Variants in SEMA4A observed in about 807,000 individuals in gnomAD.
The protein encoded by SEMA4A is semaphorin 4A, also known as semaphorin-4A.
Under a neutral mutation model 72.5 loss-of-function variants are expected in SEMA4A, and 52 were observed. The ratio of observed to expected loss-of-function variants is 0.72; its 90% CI spans 0.57 to 0.90. The LOEUF is 0.90. Ranked by LOEUF, SEMA4A falls within the 40% of genes least tolerant of loss-of-function variation. The pLI, the probability that SEMA4A is intolerant of heterozygous loss-of-function variation, is 0.00. For missense variants in SEMA4A, 926 were observed against 959.7 expected (o/e 0.96, Z 0.46); for synonymous variants, 369 against 393.1 (o/e 0.94, Z 0.73).
intron 2 of SEMA4A, 156 bp from the exon 3 acceptor site, chr1:156,156,258 T>A: frequency 1.4e-6 from 1 of 711,262 alleles, no homozygotes; most frequent in East Asian, 2.7e-5. Flanking sequence ...TGGGGTGGGG[T>A]GAAGGGAAGA....
chr1:156,172,096 GTTTA>G (rs71591932), intron 10 of SEMA4A, among the ~76,000 whole-genome samples: 1,239 of 71,756 alleles, frequency 0.017, 18 homozygotes, highest in African/African-American at 0.055. Flanking sequence ...TTGTTTGTTT[GTTTA>G]TTTATTTATT....
upstream of SEMA4A, among the ~76,000 whole-genome samples, chr1:156,149,022 G>A (rs1402700353): frequency 1.3e-5 from 2 of 151,882 alleles, no homozygotes; most frequent in African/African-American, 4.8e-5. Context: ...GGCTGGTCTC[G>A]AACTCCTGAC....
intron 7 of SEMA4A, 130 bp from the exon 8 acceptor site, chr1:156,160,775 C>G: frequency 7.2e-7 from 1 of 1,390,936 alleles, no homozygotes; most frequent in South Asian, 1.2e-5. Flanking sequence ...ATCGCTACCC[C>G]TCGACAAGCT....
intron 10 of SEMA4A, among the ~76,000 whole-genome samples, chr1:156,169,515 G>C (rs1285528272): frequency 1.7e-4 from 25 of 148,198 alleles, no homozygotes; most frequent in East Asian, 4.0e-4. Flanking sequence ...CGCCTCCCAG[G>C]TTCATGCCAT....
intron 10 of SEMA4A, among the ~76,000 whole-genome samples, chr1:156,163,825 C>G (rs1653909986): frequency 6.7e-6 from 1 of 150,104 alleles, no homozygotes; most frequent in Admixed American, 6.7e-5. Flanking sequence ...TCACTTGAGG[C>G]CAGGAGTTTG....
At position 156,160,857 on chromosome 1, in the gene SEMA4A, G is replaced by C. The variant is rs780529222; in HGVS notation, c.686-48G>C. 6.2e-6 allele frequency: 10 copies of C among 1,612,326 alleles called. No homozygotes were observed. The Admixed American group carries it at 1.7e-4, about 27-fold the overall frequency. On this transcript the variant is annotated intron_variant, in intron 7 of 14. Transcript: ENST00000368285. ...AACGGTTTTCACTCAGGCAAACCCA[G>C]GGCATGCAGGGGCTCAGTCCCTAAG...
chr1:156,154,512 T>A, intron 1 of SEMA4A, 38 bp from the exon 2 acceptor site: 1 of 1,557,850 alleles, frequency 6.4e-7, no homozygotes, highest in Non-Finnish European at 8.7e-7. Flanking sequence ...TGGTAAGAAC[T>A]GCTCACCCAG....
rs1315644823 is a variant in SEMA4A at position 156,175,149 on chromosome 1, T to C, written c.1498T>C (p.Tyr500His). The change falls in exon 13 of 15, where the codon TAT (tyrosine) becomes CAT (histidine). Residue 500 changes from tyrosine (Y) to histidine (H), a missense_variant. Transcript: ENST00000368285. ...GGTGCCCCGAGCCAACTGTAGTGTCTATGAGAGCTGTGTGGACTGTGTCCT... is the reference window on the plus strand; with the variant it reads ...GGTGCCCCGAGCCAACTGTAGTGTCCATGAGAGCTGTGTGGACTGTGTCCT... ...WRVPRANCSV[Y>H]ESCVDCVLAR... 1.9e-6 allele frequency: 3 copies of C among 1,614,178 alleles called. No homozygotes were observed. Among genetic ancestry groups the C allele is most frequent in the Non-Finnish European group, 2.5e-6 (3 of 1,180,020 alleles).
rs1655407406 is a variant in SEMA4A, at chr1:156,176,942, C to T, written c.2231C>T (p.Thr744Ile). 1 of 1,613,970 alleles carries T rather than the reference C, an allele frequency of 6.2e-7. No homozygotes were observed. The highest frequency in any genetic ancestry group is 1.3e-5 in the African/African-American group (1 of 75,078). ...QHLQSPKECR[T>I]SASDVDADNN... ...CTCCAGTCTCCCAAGGAATGCAGGA[C>T]CTCTGCCAGTGATGTGGACGCTGAC... The change falls in exon 15 of 15, where the codon ACC (threonine) becomes ATC (isoleucine). Residue 744 changes from threonine (T) to isoleucine (I), a missense_variant. By Grantham distance (89) the Thr-to-Ile change is moderately conservative. Coordinates refer to ENST00000368285, the MANE Select transcript of SEMA4A (RefSeq NM_022367.4).
Position 156,158,392 on chromosome 1 carries a change from A to AGAATCC in SEMA4A, c.369_370insAATCCG (p.Gln123_Cys124insAsnPro). ...TAAATTCTCTGTCTCCCTCAGACAC[A>AGAATCC]GTGTTTCAACTTCATCCGTGTCCTG... On this transcript the variant is annotated inframe_insertion, in exon 5 of 15. Transcript: ENST00000368285. 1 of 1,612,742 alleles carries AGAATCC rather than the reference A, an allele frequency of 6.2e-7. No individual in the cohort carries two copies.
chr1:156,153,047 G>A (rs967548095), upstream of SEMA4A, among the ~76,000 whole-genome samples: 1 of 152,192 alleles, frequency 6.6e-6, no homozygotes, highest in African/African-American at 2.4e-5. Flanking sequence ...GATGGGAAAT[G>A]TTCTGGGCTT....
Position 156,154,538 on chromosome 1 carries a change from C to A in SEMA4A, c.-29-12C>A. ...GCTCACCCAGAAAGTGCCCGGGTGC[C>A]TGTTTCCCCAGAGCTCCCTGGTGAC... On this transcript the variant is annotated splice_polypyrimidine_tract_variant and intron_variant, in intron 1 of 14. Coordinates refer to ENST00000368285, the MANE Select transcript of SEMA4A (RefSeq NM_022367.4). 1 of 1,596,856 alleles carries A rather than the reference C, an allele frequency of 6.3e-7. No homozygotes were observed. Among genetic ancestry groups the A allele is most frequent in the Admixed American group, 1.7e-5 (1 of 58,488 alleles).
In SEMA4A at chr1:156,157,844, C is replaced by T. The variant is rs1177392232; in HGVS notation, c.301-226C>T. ...GCCAAGTCTAGATTTAAACTTGGGTCTGTCTGATTCCTTAGGCTGTGTTCA... is the reference window on the plus strand; with the variant it reads ...GCCAAGTCTAGATTTAAACTTGGGTTTGTCTGATTCCTTAGGCTGTGTTCA... On this transcript the variant is annotated intron_variant, in intron 3 of 14. Coordinates refer to ENST00000368285, the MANE Select transcript of SEMA4A (RefSeq NM_022367.4). The surrounding 1 kb of genome is among the most constrained non-coding windows in gnomAD (Gnocchi z 4.5). 1.3e-5 allele frequency among the ~76,000 whole-genome samples: 2 copies of T among 152,194 alleles called. No homozygotes were observed. The highest frequency in any genetic ancestry group is 4.8e-5 in the African/African-American group (2 of 41,444).
At chr1:156,162,609 GAGCT>G (rs1558152383) in intron 9 of SEMA4A, among the ~76,000 whole-genome samples, 1 of 152,262 alleles carries the variant, frequency 6.6e-6, no homozygotes, top group African/African-American at 2.4e-5. Flanking sequence ...AGCCAGGCTA[GAGCT>G]GGTTACACTG....
upstream of SEMA4A, among the ~76,000 whole-genome samples, chr1:156,149,082 G>A (rs1436544579): frequency 6.6e-6 from 1 of 152,144 alleles, no homozygotes. Context: ...GATTACAGGC[G>A]TGAGCCACCG....
chr1:156,166,434 C>T (rs1363064651), intron 10 of SEMA4A, among the ~76,000 whole-genome samples: 1 of 152,130 alleles, frequency 6.6e-6, no homozygotes, highest in East Asian at 1.9e-4. Flanking sequence ...GATGAAAGTC[C>T]CTTGCCTCAT....
intron 7 of SEMA4A, 103 bp from the exon 8 acceptor site, chr1:156,160,802 C>G (rs773213457): frequency 5.1e-5 from 79 of 1,552,608 alleles, no homozygotes; most frequent in Admixed American, 8.4e-5. Flanking sequence ...CCCGAGGAAG[C>G]CTGTGTGTCC....
intron 2 of SEMA4A, chr1:156,156,016 C>A: frequency 3.3e-6 from 1 of 299,868 alleles, no homozygotes; most frequent in Non-Finnish European, 6.6e-6. Flanking sequence ...GACATACGCC[C>A]TCCTGTCTGC....
intron 4 of SEMA4A, 105 bp from the exon 5 acceptor site, chr1:156,158,283 T>G: frequency 8.0e-7 from 1 of 1,255,654 alleles, no homozygotes; most frequent in Non-Finnish European, 1.2e-6. Context: ...GTACAGGGAC[T>G]GCCCCAGCAT....
Sources: allele counts gnomAD v4.1 joint callset (sites outside exome capture counted in the v4.1 genomes callset), GRCh38; gene constraint gnomAD v4.1.1; non-coding constraint Gnocchi (gnomAD v3.1); transcripts MANE v1.5; gene names NCBI Gene and HGNC (gene_info 2026-07-23, HGNC 2026-07-21).